The following TAS1R1 variants were observed in gnomAD, a reference collection of about 807,000 sequenced individuals.
The protein encoded by TAS1R1 is taste 1 receptor member 1, also known as taste receptor type 1 member 1.
In TAS1R1, 31 loss-of-function variants were observed where a neutral mutation model predicts 45.8. The observed-to-expected ratio is 0.68, with a 90% CI of 0.51 to 0.91. The LOEUF (loss-of-function observed/expected upper bound fraction) is 0.91, where lower values mean the gene tolerates loss of function less well. TAS1R1 is among the 40% of genes least tolerant of loss of function. The probability of loss-of-function intolerance (pLI) is 0.00; values close to 1 mark genes in which losing one functional copy is unlikely to be tolerated. For missense variants in TAS1R1, 1,051 were observed against 1,063.9 expected (o/e 0.99, Z 0.17); for synonymous variants, 437 against 448.4 (o/e 0.97, Z 0.32).
intron 1 of TAS1R1, among the ~76,000 whole-genome samples, chr1:6,556,867 G>T (rs537559972): frequency 1.3e-5 from 2 of 151,926 alleles, no homozygotes; most frequent in African/African-American, 4.8e-5. Context: ...CACATTAGCC[G>T]GGTGTGGTGG....
chr1:6,569,679 T>C (rs1459409780), intron 1 of TAS1R1, among the ~76,000 whole-genome samples: 1 of 152,036 alleles, frequency 6.6e-6, no homozygotes, highest in African/African-American at 2.4e-5. Flanking sequence ...GAGGGCGTCC[T>C]GTGTCCCGCA....
chr1:6,563,480 A>G (rs1639821740), intron 1 of TAS1R1, among the ~76,000 whole-genome samples: 1 of 152,224 alleles, frequency 6.6e-6, no homozygotes, highest in Non-Finnish European at 1.5e-5. Context: ...TAGAAAATTT[A>G]GCCAATGACT....
chr1:6,556,665 G>C (rs1215087318), intron 1 of TAS1R1, among the ~76,000 whole-genome samples: 2 of 151,276 alleles, frequency 1.3e-5, no homozygotes, highest in Admixed American at 1.3e-4. Context: ...GCCTCCCAAA[G>C]TGCTAGGATT....
rs186628788 is a variant in TAS1R1, at chr1:6,563,690, G to A, written c.192-7219G>A. ...GAGTTAAGCTAAGGGTCTTGTAGAGGTAGCTGGGTACTATTGGAAAGGGGA... is the reference window on the plus strand; with the variant it reads ...GAGTTAAGCTAAGGGTCTTGTAGAGATAGCTGGGTACTATTGGAAAGGGGA... On this transcript the variant is annotated intron_variant, in intron 1 of 5. Coordinates refer to ENST00000333172, the MANE Select transcript of TAS1R1 (RefSeq NM_138697.4). Among the ~76,000 whole-genome samples, 7 of 152,244 alleles carry A rather than the reference G, an allele frequency of 4.6e-5. No homozygotes were observed. In the East Asian group the frequency reaches 1.2e-3, roughly 25 times the overall value.
At position 6,571,038 on chromosome 1, in the gene TAS1R1, T is replaced by C. The variant is rs893827726; in HGVS notation, c.321T>C (p.Ser107=). ...TLGYQLYDVC[S]DSANVYATLR... is the part of the protein sequence containing the mutation. ...GGTACCAGCTGTATGATGTGTGTTCTGACTCTGCCAATGTGTATGCCACGC... is the reference window on the plus strand; with the variant it reads ...GGTACCAGCTGTATGATGTGTGTTCCGACTCTGCCAATGTGTATGCCACGC... The change falls in exon 2 of 6, where the codon TCT becomes TCC. Residue 107 remains serine (S), a synonymous_variant. Coordinates refer to ENST00000333172, the MANE Select transcript of TAS1R1 (RefSeq NM_138697.4). 6.2e-7 allele frequency: 1 copy of C among 1,614,206 alleles called. No homozygotes were observed. Among genetic ancestry groups the C allele is most frequent in the Non-Finnish European group, 8.5e-7 (1 of 1,180,032 alleles).
intron 3 of TAS1R1, 119 bp downstream of exon 3, chr1:6,575,511 T>C (rs1402164906): frequency 2.9e-5 from 35 of 1,223,166 alleles, no homozygotes; most frequent in Non-Finnish European, 3.7e-5. Flanking sequence ...TAACTTGAGG[T>C]TTTTTGTTTT....
In TAS1R1 at chr1:6,555,422, T is replaced by C. The variant is rs1400230788; in HGVS notation, c.49T>C (p.Cys17Arg). 2 of 1,607,900 alleles carry C rather than the reference T, an allele frequency of 1.2e-6. No homozygotes were observed. Among genetic ancestry groups the C allele is most frequent in the African/African-American group, 2.7e-5 (2 of 74,982 alleles). The stretch of plus-strand genomic sequence containing the variant: ...GGTCGGCCTGCAGCTTCTCATTTCC[T>C]GCTGCTGGGCCTTTGCCTGCCATAG... ...RLVGLQLLIS[C>R]CWAFACHSTE... Residue 17 changes from cysteine (C) to arginine (R), a missense_variant, in exon 1 of 6, where the codon TGC becomes CGC. Coordinates refer to ENST00000333172, the MANE Select transcript of TAS1R1 (RefSeq NM_138697.4).
intron 3 of TAS1R1, 46 bp from the exon 4 acceptor site, chr1:6,576,369 G>T: frequency 6.3e-7 from 1 of 1,592,956 alleles, no homozygotes. Context: ...GGGACCATGT[G>T]GGTCTGTGCT....
chr1:6,562,684 A>G (rs1639810478), intron 1 of TAS1R1, among the ~76,000 whole-genome samples: 1 of 152,112 alleles, frequency 6.6e-6, no homozygotes, highest in Non-Finnish European at 1.5e-5. Flanking sequence ...TTGAGCTTTA[A>G]TAGGGATTGG....
rs1015159749 is a variant in TAS1R1, at chr1:6,575,466, C to T, written c.1260+74C>T. 42 of 1,442,834 alleles carry T rather than the reference C, an allele frequency of 2.9e-5. 1 individual carries two copies. The highest frequency in any genetic ancestry group is 2.0e-4 in the Middle Eastern group (1 of 5,014). The allele number at this position is 1,442,834 out of a possible 1,614,324, so 89.4% of individuals were successfully genotyped here. ...TGAGATGAGCAGAGTGGGCACTCTC[C>T]GGTCACTCTAAATGCCAAGGGGGAT... is the stretch of plus-strand genomic sequence containing the variant. On this transcript the variant is annotated intron_variant, in intron 3 of 5. Transcript: ENST00000333172.
At chr1:6,573,464 AAAG>A (rs1387837430) in intron 2 of TAS1R1, among the ~76,000 whole-genome samples, 1 of 152,018 alleles carries the variant, frequency 6.6e-6, no homozygotes, top group Non-Finnish European at 1.5e-5. Context: ...CTCAGAAAGA[AAAG>A]AAAAAATGCA....
At chr1:6,555,832 G>A (rs1261356879) in intron 1 of TAS1R1, among the ~76,000 whole-genome samples, 1 of 149,356 alleles carries the variant, frequency 6.7e-6, no homozygotes, top group African/African-American at 2.4e-5. Flanking sequence ...TACCTAGGTG[G>A]CCAGGCCTAA....
At chr1:6,566,592 T>C (rs1272950667) in intron 1 of TAS1R1, among the ~76,000 whole-genome samples, 1 of 151,968 alleles carries the variant, frequency 6.6e-6, no homozygotes, top group African/African-American at 2.4e-5. Context: ...TTGGGGGATG[T>C]TGGGGAATTT....
chr1:6,575,378 G>C lies in TAS1R1; in HGVS notation c.1246G>C (p.Val416Leu), dbSNP rs775606667. ...CASGACSRGR[V>L]YPWQLLEQIH... ...CTCTGGAGCTTGTTCCAGGGGCCGA[G>C]TCTACCCCTGGCAGGTAAGAGAGCC... The change falls in exon 3 of 6, where the codon GTC becomes CTC. Residue 416 changes from valine (V) to leucine (L), a missense_variant. Physicochemically the swap from Val to Leu is conservative, Grantham distance 32. Coordinates refer to ENST00000333172, the MANE Select transcript of TAS1R1 (RefSeq NM_138697.4). 7 of 1,571,654 alleles carry C rather than the reference G, an allele frequency of 4.5e-6. No homozygotes were observed. The highest frequency in any genetic ancestry group is 6.0e-6 in the Non-Finnish European group (7 of 1,160,728).
intron 1 of TAS1R1, among the ~76,000 whole-genome samples, chr1:6,564,635 G>A (rs1017680386): frequency 6.6e-6 from 1 of 152,132 alleles, no homozygotes; most frequent in South Asian, 2.1e-4. Context: ...GCCACTGGAC[G>A]CTGAGGGACT....
At chr1:6,558,192 A>C (rs1226734490) in intron 1 of TAS1R1, among the ~76,000 whole-genome samples, 1 of 151,568 alleles carries the variant, frequency 6.6e-6, no homozygotes, top group Non-Finnish European at 1.5e-5. Flanking sequence ...ATATGCCACC[A>C]CTTACCGCTA....
At chr1:6,571,263 G>T (rs371088376) in intron 2 of TAS1R1, 48 bp downstream of exon 2, 4 of 1,509,260 alleles carry the variant, frequency 2.7e-6, no homozygotes, top group African/African-American at 1.4e-5. Context: ...AGGCAAGTCT[G>T]GGCTGGGGCA....
Position 6,575,034 on chromosome 1 carries a change from A to G in TAS1R1, c.902A>G (p.Glu301Gly), listed in dbSNP as rs371159719. The change falls in exon 3 of 6, where the codon GAA becomes GGA. Residue 301 changes from glutamate (E) to glycine (G), a missense_variant. Transcript: ENST00000333172. Reference sequence around the variant, plus strand: ...ACTGGCAAGGTGTGGGTCGCCTCAGAAGCCTGGGCCCTCTCCAGGCACATC... The same window carrying G: ...ACTGGCAAGGTGTGGGTCGCCTCAGGAGCCTGGGCCCTCTCCAGGCACATC... ...NLTGKVWVAS[E>G]AWALSRHITG... The G allele has an allele frequency of 3.2e-6, 5 of 1,586,540 alleles. No individual in the cohort carries two copies. Among genetic ancestry groups the G allele is most frequent in the Non-Finnish European group, 4.3e-6 (5 of 1,164,690 alleles).
intron 1 of TAS1R1, among the ~76,000 whole-genome samples, chr1:6,564,165 A>G (rs1424240465): frequency 6.6e-6 from 1 of 152,136 alleles, no homozygotes; most frequent in East Asian, 1.9e-4. Context: ...GGTACCAAGA[A>G]GCATGTCCTG....
Sources: gnomAD v4.1 joint callset for allele counts (sites outside exome capture counted in the v4.1 genomes callset) on GRCh38, gnomAD v4.1.1 for gene constraint, MANE v1.5 for transcripts, NCBI Gene and HGNC (gene_info 2026-07-23, HGNC 2026-07-21) for gene names.